SLC44A1: variants seen among roughly 807,000 people sequenced by gnomAD.
SLC44A1 encodes choline transporter-like protein 1.
A neutral mutation model predicts 79.3 loss-of-function variants in SLC44A1; 26 were observed. The ratio of observed to expected loss-of-function variants is 0.33; its 90% CI spans 0.24 to 0.46. The LOEUF (loss-of-function observed/expected upper bound fraction) is 0.46, where lower values mean the gene tolerates loss of function less well. Among genes scored for constraint, SLC44A1 ranks in the 20% least tolerant of loss-of-function variants. SLC44A1 has a pLI of 1.00. For synonymous variants in SLC44A1, 263 were observed against 286.2 expected, an observed-to-expected ratio of 0.92 and a Z score of 0.82; for missense variants, 688 against 798.1, an observed-to-expected ratio of 0.86 and a Z score of 1.66.
chr9:105,382,616 G>C (rs1026893994), intron 13 of SLC44A1, among the ~76,000 whole-genome samples: 1 of 152,124 alleles, frequency 6.6e-6, no homozygotes, highest in Non-Finnish European at 1.5e-5. Flanking sequence ...CTCATAAAAT[G>C]AAATTATGTA....
In SLC44A1 at chr9:105,389,045, A is replaced by T; in HGVS notation, c.1963A>T (p.Ser655Cys). 6.2e-7 allele frequency: 1 copy of T among 1,613,252 alleles called. No individual in the cohort carries two copies. Among genetic ancestry groups the T allele is most frequent in the Non-Finnish European group, 8.5e-7 (1 of 1,179,318 alleles). Residue 655 changes from serine (S) to cysteine (C), a missense_variant, in exon 16 of 16, where the codon AGT becomes TGT. Coordinates refer to ENST00000374720, the MANE Select transcript of SLC44A1 (RefSeq NM_080546.5). ...CTTTGTTTTCTAGGCTTCGGGAGCA[A>T]GTTCTGCTTGAACCTAGCCGACGGT... The part of the protein sequence containing the change: ...RELKPMASGA[S>C]SA
chr9:105,279,740 A>G lies in SLC44A1; in HGVS notation c.37-19480A>G, dbSNP rs192205080. ...ATATATAAACCTTCTATCACCATTA[A>G]CATTGTTCTAGAAGTTCTAACTCGT... On this transcript the variant is annotated intron_variant, in intron 1 of 15. Coordinates refer to ENST00000374720, the MANE Select transcript of SLC44A1 (RefSeq NM_080546.5). 5.6e-3 allele frequency among the ~76,000 whole-genome samples: 858 copies of G among 152,334 alleles called. 2 individuals are homozygous for G. Among genetic ancestry groups the G allele is most frequent in the Non-Finnish European group, 9.7e-3 (661 of 68,028 alleles).
chr9:105,385,302 A>G lies in SLC44A1; in HGVS notation c.1870-120A>G, dbSNP rs1023936508. On this transcript the variant is annotated intron_variant, in intron 14 of 15. Coordinates refer to ENST00000374720, the MANE Select transcript of SLC44A1 (RefSeq NM_080546.5). ...GTGATACTAAACATTATTTATTGCT[A>G]TGTTTTTAAGCCATCCATTTACCAA... 5.4e-5 allele frequency: 37 copies of G among 686,694 alleles called. No individual in the cohort carries two copies. In the Admixed American group the frequency reaches 9.2e-4, roughly 17 times the overall value. The allele number at this position is 686,694 out of a possible 1,614,324, so 42.5% of individuals were successfully genotyped here. A position where few individuals can be genotyped will look rare whatever the true frequency, so the allele number is the denominator to read the frequency against.
At chr9:105,317,168 A>T (rs908892146) in intron 3 of SLC44A1, among the ~76,000 whole-genome samples, 1 of 152,160 alleles carries the variant, frequency 6.6e-6, no homozygotes, top group African/African-American at 2.4e-5. Context: ...ATTCTATAGC[A>T]TATATTCTAT....
chr9:105,367,256 G>A (rs1015951011), intron 12 of SLC44A1, among the ~76,000 whole-genome samples: 3 of 152,164 alleles, frequency 2.0e-5, no homozygotes, highest in Non-Finnish European at 2.9e-5. Context: ...TGATTGAAGA[G>A]TAGCATTGCA....
At chr9:105,387,086 AGC>A in intron 15 of SLC44A1, among the ~76,000 whole-genome samples, 1 of 125,654 alleles carries the variant, frequency 8.0e-6, no homozygotes, top group Non-Finnish European at 1.7e-5. Flanking sequence ...ATATAAAATA[AGC>A]TCATTTAATT....
At chr9:105,432,125 T>G (rs1201070151) in intron 15 of SLC44A1, among the ~76,000 whole-genome samples, 2 of 152,228 alleles carry the variant, frequency 1.3e-5, no homozygotes, top group African/African-American at 4.8e-5. Context: ...TTTCACCATT[T>G]TGGCCAGGCT....
At position 105,420,214 on chromosome 9, in the gene SLC44A1, A is replaced by G. The variant is rs117692495; in HGVS notation, c.1951-18067A>G. On this transcript the variant is annotated intron_variant, in intron 15 of 15. Coordinates refer to the SLC44A1 transcript ENST00000374724. The stretch of plus-strand genomic sequence containing the variant: ...CGCCCTATTGCCTTGCATCACCCCA[A>G]GGTTTTGGCAGGAACAGAGGAAAGA... Among the ~76,000 whole-genome samples the G allele has an allele frequency of 1.2e-3, 189 of 152,256 alleles. 1 individual carries two copies. The South Asian group carries it at 0.02, about 16-fold the overall frequency.
intron 15 of SLC44A1, among the ~76,000 whole-genome samples, chr9:105,420,384 T>C (rs1437014891): frequency 6.6e-6 from 1 of 152,132 alleles, no homozygotes; most frequent in Non-Finnish European, 1.5e-5. Context: ...AAATTAAAGT[T>C]ACAAACACTC....
At chr9:105,425,064 A>G (rs1251594224) in intron 15 of SLC44A1, among the ~76,000 whole-genome samples, 1 of 152,222 alleles carries the variant, frequency 6.6e-6, no homozygotes, top group African/African-American at 2.4e-5. Context: ...TTTGGAATAT[A>G]TGGTAAATAT....
chr9:105,278,203 A>G (rs1010026688), intron 1 of SLC44A1, among the ~76,000 whole-genome samples: 2 of 151,366 alleles, frequency 1.3e-5, no homozygotes, highest in Non-Finnish European at 2.9e-5. Flanking sequence ...GTGGGATTAC[A>G]GGTGTGCCAC....
chr9:105,309,180 G>A (rs547780545), intron 2 of SLC44A1, among the ~76,000 whole-genome samples: 9 of 146,334 alleles, frequency 6.2e-5, no homozygotes, highest in Admixed American at 2.7e-4. Context: ...CAAAACCCAC[G>A]TTCCTATTGT....
intron 15 of SLC44A1, among the ~76,000 whole-genome samples, chr9:105,412,793 C>T (rs540658652): frequency 2.6e-5 from 4 of 151,914 alleles, no homozygotes; most frequent in Admixed American, 6.6e-5. Context: ...TAGTAGAGAC[C>T]GGTTTTCACC....
At chr9:105,374,826 A>G in intron 13 of SLC44A1, 91 bp downstream of exon 13, 1 of 999,622 alleles carries the variant, frequency 1.0e-6, no homozygotes, top group Non-Finnish European at 1.5e-6. Flanking sequence ...GCCACCAAAA[A>G]ACTAAAAGTA....
intron 15 of SLC44A1, among the ~76,000 whole-genome samples, chr9:105,409,546 G>A (rs1417472105): frequency 6.6e-6 from 1 of 152,148 alleles, no homozygotes; most frequent in African/African-American, 2.4e-5. Flanking sequence ...TTAGTCGGGT[G>A]TAGTGGCGTG....
intron 1 of SLC44A1, among the ~76,000 whole-genome samples, chr9:105,275,777 G>C (rs1211465920): frequency 6.6e-6 from 1 of 151,726 alleles, no homozygotes; most frequent in Non-Finnish European, 1.5e-5. Context: ...GGTGTGTTCA[G>C]ATGTCTTGTC....
At chr9:105,267,800 A>C (rs1191245557) in intron 1 of SLC44A1, among the ~76,000 whole-genome samples, 2 of 152,074 alleles carry the variant, frequency 1.3e-5, no homozygotes. Flanking sequence ...CGGGGCCCTA[A>C]AAGATTGTTT....
Position 105,266,441 on chromosome 9 carries a change from A to G in SLC44A1, c.36+21537A>G, listed in dbSNP as rs568868698. Among the ~76,000 whole-genome samples, 6 of 152,262 alleles carry G rather than the reference A, an allele frequency of 3.9e-5. No individual in the cohort carries two copies. The East Asian group carries it at 1.2e-3, about 29-fold the overall frequency. On this transcript the variant is annotated intron_variant, in intron 1 of 15. Transcript: ENST00000374720. Reference sequence around the variant, plus strand: ...TTATTCTAAAATTTTCTAGTTTTACATTTTACACTTAGGTCTATTATCCAT... The same window carrying G: ...TTATTCTAAAATTTTCTAGTTTTACGTTTTACACTTAGGTCTATTATCCAT...
At position 105,278,122 on chromosome 9, in the gene SLC44A1, C is replaced by T. The variant is rs573631270; in HGVS notation, c.37-21098C>T. Among the ~76,000 whole-genome samples the T allele has an allele frequency of 1.0e-4, 15 of 150,544 alleles. No homozygotes were observed. The South Asian group carries it at 1.3e-3, about 13-fold the overall frequency. On this transcript the variant is annotated intron_variant, in intron 1 of 15. Transcript: ENST00000374720. Reference sequence around the variant, plus strand: ...TGTCACCCAGACTGGAGTGCAGTGGCGCTGTCTCCACTCACTGCAACCTCT... The same window carrying T: ...TGTCACCCAGACTGGAGTGCAGTGGTGCTGTCTCCACTCACTGCAACCTCT...
Sources: gnomAD v4.1 joint callset for allele counts (sites outside exome capture counted in the v4.1 genomes callset) on GRCh38, gnomAD v4.1.1 for gene constraint, MANE v1.5 for transcripts, NCBI Gene and HGNC (gene_info 2026-07-23, HGNC 2026-07-21) for gene names.